The following IGF1R variants were observed in gnomAD, a reference collection of about 807,000 sequenced individuals.
IGF1R encodes insulin like growth factor 1 receptor, also known as insulin-like growth factor 1 receptor.
In IGF1R, 44 loss-of-function variants were observed where a neutral mutation model predicts 144.6. The observed-to-expected ratio is 0.30, with a 90% CI of 0.24 to 0.39. IGF1R has a LOEUF of 0.39. Among genes scored for constraint, IGF1R ranks in the 10% least tolerant of loss-of-function variants. The pLI is 1.00. For missense variants in IGF1R, 1,355 were observed against 1,833.7 expected, an observed-to-expected ratio of 0.74 and a Z score of 4.77; for synonymous variants, 795 against 722.8, an observed-to-expected ratio of 1.10 and a Z score of -1.60.
chr15:98,944,766 C>T (rs984771496), intron 19 of IGF1R, among the ~76,000 whole-genome samples: 1 of 152,260 alleles, frequency 6.6e-6, no homozygotes, highest in Non-Finnish European at 1.5e-5. Context: ...GGTTGAGCTT[C>T]TGCTAAGAGG....
intron 4 of IGF1R, 28 bp downstream of exon 4, chr15:98,896,933 G>T (rs755581915): frequency 1.2e-6 from 2 of 1,611,522 alleles, no homozygotes; most frequent in African/African-American, 2.7e-5. Context: ...CTGGAAAAAC[G>T]GCTAGATCTC....
intron 2 of IGF1R, among the ~76,000 whole-genome samples, chr15:98,779,609 G>C (rs139508307): frequency 1.3e-5 from 2 of 152,160 alleles, no homozygotes; most frequent in Admixed American, 6.5e-5. Context: ...TGAGCTACAC[G>C]TTTCAAAATC....
chr15:98,847,187 G>T (rs867554741), intron 2 of IGF1R, among the ~76,000 whole-genome samples: 6 of 152,156 alleles, frequency 3.9e-5, no homozygotes, highest in African/African-American at 1.4e-4. Flanking sequence ...ATGTTGGCTA[G>T]GCTGGTCTCG....
Position 98,913,047 on chromosome 15 carries a change from C to A in IGF1R, c.1593C>A (p.Pro531=). 6.2e-7 allele frequency: 1 copy of A among 1,611,552 alleles called. No homozygotes were observed. Among genetic ancestry groups the A allele is most frequent in the Non-Finnish European group, 8.5e-7 (1 of 1,177,648 alleles). The part of the protein sequence containing the change: ...ISFTVYYKEA[P]FKNVTEYDGQ... ...TCTGAACTTAATTGTCTTTCAGACC[C>A]TTTAAGAATGTCACAGAGTATGATG... The change falls in exon 8 of 21, where the codon CCC becomes CCA. Residue 531 remains proline, a synonymous_variant. Transcript: ENST00000650285.
intron 2 of IGF1R, among the ~76,000 whole-genome samples, chr15:98,776,025 A>G (rs926558064): frequency 2.1e-4 from 32 of 152,044 alleles, no homozygotes; most frequent in East Asian, 3.9e-4. Context: ...AATCATACAG[A>G]CTTTCTCAAT....
At chr15:98,847,576 A>C (rs1052562465) in intron 2 of IGF1R, among the ~76,000 whole-genome samples, 2 of 152,200 alleles carry the variant, frequency 1.3e-5, no homozygotes, top group Admixed American at 6.5e-5. Context: ...AGAGTCCAGC[A>C]TGCAGGAAAT....
intron 2 of IGF1R, among the ~76,000 whole-genome samples, chr15:98,789,263 A>G (rs988574425): frequency 1.3e-5 from 2 of 152,218 alleles, no homozygotes; most frequent in Admixed American, 6.5e-5. Context: ...ACAGGGACAC[A>G]TTGTTCTAGG....
At position 98,667,500 on chromosome 15, in the gene IGF1R, T is replaced by C. The variant is rs2052773858; in HGVS notation, c.94+17825T>C. On this transcript the variant is annotated intron_variant, in intron 1 of 20. Transcript: ENST00000650285. ...CAGGAAGCTTGGAGGGACGCGCTGC[T>C]AGAGACCATGGCACGCATGCTGTGT... Among the ~76,000 whole-genome samples, 4 of 152,350 alleles carry C rather than the reference T, an allele frequency of 2.6e-5. No homozygotes were observed. In the East Asian group the frequency reaches 7.7e-4, roughly 29 times the overall value.
intron 2 of IGF1R, among the ~76,000 whole-genome samples, chr15:98,810,255 G>A (rs1163524258): frequency 6.6e-6 from 1 of 152,026 alleles, no homozygotes; most frequent in Non-Finnish European, 1.5e-5. Flanking sequence ...TGGTTTGCTT[G>A]GTATCTGTAT....
chr15:98,804,784 A>G (rs1422403127), intron 2 of IGF1R, among the ~76,000 whole-genome samples: 1 of 152,162 alleles, frequency 6.6e-6, no homozygotes, highest in Non-Finnish European at 1.5e-5. Context: ...TGCAACCTCC[A>G]CATCCCCAGT....
chr15:98,864,932 T>G (rs1051292473), intron 2 of IGF1R, among the ~76,000 whole-genome samples: 4 of 152,230 alleles, frequency 2.6e-5, no homozygotes, highest in African/African-American at 9.7e-5. Context: ...CAAGCTATAC[T>G]AAGCTTCCTG....
chr15:98,766,726 G>A (rs1460835088), intron 2 of IGF1R, among the ~76,000 whole-genome samples: 2 of 152,146 alleles, frequency 1.3e-5, no homozygotes, highest in African/African-American at 4.8e-5. Flanking sequence ...GTGGTGGGAC[G>A]CAAGCGTGTT....
chr15:98,652,925 C>G (rs1321701359), intron 1 of IGF1R, among the ~76,000 whole-genome samples: 1 of 139,908 alleles, frequency 7.1e-6, no homozygotes, highest in Non-Finnish European at 1.5e-5. Context: ...AATTATATCT[C>G]AATAAACCCT....
chr15:98,744,765 T>C (rs536536049), intron 2 of IGF1R, among the ~76,000 whole-genome samples: 1 of 152,096 alleles, frequency 6.6e-6, no homozygotes, highest in South Asian at 2.1e-4. Context: ...CTGCTCTGTT[T>C]TTTTTTTTTC....
rs904877450 is a variant in IGF1R, at chr15:98,962,119, C to G, written c.*4677C>G. On this transcript the variant is annotated 3_prime_UTR_variant, in exon 21 of 21. Transcript: ENST00000650285. ...CTTGCCAGTGGCTCTGTGGCAAGATCACACTGAGATCGATGGGTGAGAAGG... is the reference window on the plus strand; with the variant it reads ...CTTGCCAGTGGCTCTGTGGCAAGATGACACTGAGATCGATGGGTGAGAAGG... The G allele has an allele frequency of 3.9e-5, 9 of 233,202 alleles. No individual in the cohort carries two copies. Among genetic ancestry groups the G allele is most frequent in the Non-Finnish European group, 5.1e-5 (6 of 118,064 alleles). 14.4% of individuals were successfully genotyped at this position (233,202 alleles called of 1,614,324 possible).
chr15:98,856,846 A>G (rs566689744), intron 2 of IGF1R, among the ~76,000 whole-genome samples: 1 of 152,336 alleles, frequency 6.6e-6, no homozygotes, highest in South Asian at 2.1e-4. Flanking sequence ...TCCTGGGCAG[A>G]GAATTTCGAC....
chr15:98,953,338 T>C (rs539181707), intron 20 of IGF1R, among the ~76,000 whole-genome samples: 79 of 152,276 alleles, frequency 5.2e-4, no homozygotes, highest in African/African-American at 1.9e-3. Flanking sequence ...TGACTCAGTG[T>C]GAATTAACTT....
At chr15:98,934,725 G>A in intron 15 of IGF1R, 99 bp from the exon 16 acceptor site, 1 of 986,008 alleles carries the variant, frequency 1.0e-6, no homozygotes. Context: ...TGGGTTTAAG[G>A]AAGCAGCATC....
intron 3 of IGF1R, among the ~76,000 whole-genome samples, chr15:98,892,427 C>G (rs891856297): frequency 3.4e-5 from 5 of 148,060 alleles, no homozygotes; most frequent in African/African-American, 1.0e-4. Context: ...CTAGCTACTC[C>G]GAGGCAGGAG....
Sources: allele counts gnomAD v4.1 joint callset (sites outside exome capture counted in the v4.1 genomes callset), GRCh38; gene constraint gnomAD v4.1.1; transcripts MANE v1.5; gene names NCBI Gene and HGNC (gene_info 2026-07-23, HGNC 2026-07-21).